The following SCARF1 variants were observed in gnomAD, a reference collection of about 807,000 sequenced individuals.
SCARF1 encodes the protein scavenger receptor class F member 1, also known as acetyl LDL receptor.
Under a neutral mutation model 76.3 loss-of-function variants are expected in SCARF1, and 49 were observed. That is an observed-to-expected ratio of 0.64 (90% CI 0.51 to 0.81). The LOEUF (loss-of-function observed/expected upper bound fraction) is 0.81. SCARF1 is among the 40% of genes least tolerant of loss of function. The probability of loss-of-function intolerance (pLI) is 0.00; values close to 1 mark genes in which losing one functional copy is unlikely to be tolerated. For synonymous variants in SCARF1, 495 were observed against 474.6 expected, an observed-to-expected ratio of 1.04 and a Z score of -0.56; for missense variants, 1,098 against 1,143.9, an observed-to-expected ratio of 0.96 and a Z score of 0.58.
chr17:1,644,527 T>G lies in SCARF1; in HGVS notation c.265+307A>C. ...CCATCCACTGCCCATGTATAAGGTA[T>G]ATGTGGGAAAGGCAAGTAATACACT... On this transcript the variant is annotated intron_variant, in intron 3 of 10. Coordinates refer to ENST00000263071, the MANE Select transcript of SCARF1 (RefSeq NM_003693.4). This position sits in a 1 kb window ranked among gnomAD's most constrained non-coding sequence, Gnocchi z 4.8. 3.8e-6 allele frequency: 2 copies of G among 524,846 alleles called. No homozygotes were observed. The allele number at this position is 524,846 out of a possible 1,614,324, so 32.5% of individuals were successfully genotyped here. A position where few individuals can be genotyped will look rare whatever the true frequency, so the allele number is the denominator to read the frequency against.
rs777521404 is a variant in SCARF1 at position 1,636,698 on chromosome 17, T to A, written c.1633+11A>T. On this transcript the variant is annotated intron_variant, in intron 10 of 10. Coordinates refer to ENST00000263071, the MANE Select transcript of SCARF1 (RefSeq NM_003693.4). ...GCTGCTCAGGGGCTATGTGGGCTGT[T>A]GGGGGGCTACCTTCTTGGGGTGGCA... is the stretch of plus-strand genomic sequence containing the variant. The A allele has an allele frequency of 6.2e-7, 1 of 1,613,246 alleles. No individual in the cohort carries two copies. The highest frequency in any genetic ancestry group is 1.1e-5 in the South Asian group (1 of 91,054).
chr17:1,638,776 T>C (rs771378186), intron 8 of SCARF1, 30 bp downstream of exon 8: 2 of 1,581,098 alleles, frequency 1.3e-6, no homozygotes, highest in East Asian at 4.6e-5. Flanking sequence ...TGGCCTGAGC[T>C]GTGTGGGGAA....
Position 1,634,973 on chromosome 17 carries a change from C to T in SCARF1, c.2278G>A (p.Ala760Thr), listed in dbSNP as rs754378450. Residue 760 changes from alanine to threonine, a missense_variant, in exon 11 of 11, where the codon GCT (alanine) becomes ACT (threonine). By Grantham distance (58) the Ala-to-Thr change is moderately conservative (BLOSUM62 0). Coordinates refer to ENST00000263071, the MANE Select transcript of SCARF1 (RefSeq NM_003693.4). ...VGQSPNSAPK[A>T]GLPGATGPMA... Reference sequence around the variant, plus strand: ...GGCCCTGTGGCCCCAGGAAGCCCAGCTTTTGGGGCTGAGTTGGGGCTCTGG... The same window carrying T: ...GGCCCTGTGGCCCCAGGAAGCCCAGTTTTTGGGGCTGAGTTGGGGCTCTGG... 6.2e-7 allele frequency: 1 copy of T among 1,613,322 alleles called. No homozygotes were observed. The highest frequency in any genetic ancestry group is 1.1e-5 in the South Asian group (1 of 91,064).
chr17:1,637,741 G>A (rs1250355090), intron 8 of SCARF1, among the ~76,000 whole-genome samples: 1 of 152,104 alleles, frequency 6.6e-6, no homozygotes, highest in Non-Finnish European at 1.5e-5. Flanking sequence ...CAAAGTGCTG[G>A]GATTACAGGC....
rs201667370 is a variant in SCARF1, at chr17:1,635,053, C to T, written c.2198G>A (p.Arg733His). 6.2e-6 allele frequency: 10 copies of T among 1,612,450 alleles called. No homozygotes were observed. Among genetic ancestry groups the T allele is most frequent in the East Asian group, 2.2e-5 (1 of 44,884 alleles). The change falls in exon 11 of 11, where the codon CGC (arginine) becomes CAC (histidine). Residue 733 changes from arginine (R) to histidine (H), a missense_variant. Physicochemically the swap from Arg to His is conservative, Grantham distance 29 (BLOSUM62 0). Transcript: ENST00000263071. ...KVKRAIPKPP[R>H]QALNRKKGSP... is the part of the protein sequence containing the mutation. ...GCCCTTTTTCCGATTCAGGGCCTGG[C>T]GCGGAGGCTTAGGGATGGCCCTCTT... is the stretch of plus-strand genomic sequence containing the variant.
chr17:1,642,906 T>C (rs1910167439), intron 4 of SCARF1, among the ~76,000 whole-genome samples: 1 of 152,152 alleles, frequency 6.6e-6, no homozygotes, highest in Admixed American at 6.5e-5. Context: ...TTCAGCATGT[T>C]GGCCAGGATG....
chr17:1,638,688 A>ACC, intron 8 of SCARF1, 118 bp downstream of exon 8: 1 of 1,207,038 alleles, frequency 8.3e-7, no homozygotes, highest in South Asian at 2.3e-5. Context: ...CACCCCCATC[A>ACC]CCTCTGACCC....
Position 1,645,340 on chromosome 17 carries a change from A to G in SCARF1, c.102-101T>C, listed in dbSNP as rs528395439. 2 of 1,487,176 alleles carry G rather than the reference A, an allele frequency of 1.3e-6. No homozygotes were observed. The highest frequency in any genetic ancestry group is 2.8e-5 in the African/African-American group (2 of 72,568). 92.1% of individuals were successfully genotyped at this position (1,487,176 alleles called of 1,614,324 possible). ...TGGCTGCAGTGGGGGAGGCTGCCTT[A>G]GCCCCCTGGGGAGGCCTAATGGATC... On this transcript the variant is annotated intron_variant, in intron 1 of 10. Transcript: ENST00000263071. This position sits in a 1 kb window ranked among gnomAD's most constrained non-coding sequence, Gnocchi z 6.3.
intron 8 of SCARF1, 27 bp from the exon 9 acceptor site, chr17:1,637,089 T>C (rs1180971691): frequency 6.2e-7 from 1 of 1,612,514 alleles, no homozygotes; most frequent in South Asian, 1.1e-5. Flanking sequence ...GGGACACTGG[T>C]CAGTACATGA....
chr17:1,643,392 G>A (rs1447769674), intron 4 of SCARF1, 50 bp downstream of exon 4: 3 of 609,684 alleles, frequency 4.9e-6, no homozygotes, highest in Non-Finnish European at 6.0e-6. Flanking sequence ...CTGCTCACTT[G>A]TGTCCGCCCC....
In SCARF1 at chr17:1,636,913, C is replaced by G. The variant is rs1341337451; in HGVS notation, c.1486+28G>C. 1.9e-6 allele frequency: 3 copies of G among 1,613,972 alleles called. No homozygotes were observed. In the African/African-American group the frequency reaches 4.0e-5, roughly 22 times the overall value. ...CCTGATGCAAAGCCCTGTCCAATCC[C>G]AGACCCCGGCCCCCAGCGCCCACTG... On this transcript the variant is annotated intron_variant, in intron 9 of 10. Coordinates refer to ENST00000263071, the MANE Select transcript of SCARF1 (RefSeq NM_003693.4).
rs774642491 is a variant in SCARF1, at chr17:1,637,043, T to C, written c.1384A>G (p.Thr462Ala). 7 of 1,613,866 alleles carry C rather than the reference T, an allele frequency of 4.3e-6. No homozygotes were observed. In the East Asian group the frequency reaches 1.1e-4, roughly 26 times the overall value. The change falls in exon 9 of 11, where the codon ACC becomes GCC. Residue 462 changes from threonine (T) to alanine (A), a missense_variant. Thr to Ala is a moderately conservative substitution (Grantham distance 58). Coordinates refer to ENST00000263071, the MANE Select transcript of SCARF1 (RefSeq NM_003693.4). ...ACCTGCAGCTTCATCCTGGACACGG[T>C]AGCTCCATCTCTCGCTGGCCTGAGG... ...LKDRPARDGATVSRMKLQVWG... is the reference protein window; with the variant it reads ...LKDRPARDGAAVSRMKLQVWG...
chr17:1,643,703 C>T lies in SCARF1; in HGVS notation c.530G>A (p.Gly177Asp), dbSNP rs1282972018. The change falls in exon 4 of 11, where the codon GGC (glycine) becomes GAC (aspartate). Residue 177 changes from glycine to aspartate, a missense_variant. Coordinates refer to ENST00000263071, the MANE Select transcript of SCARF1 (RefSeq NM_003693.4). ...TAAARCEQAT[G>D]ACVCKPGWWG... The stretch of plus-strand genomic sequence containing the variant: ...CCAGCCCGGCTTGCACACGCAGGCG[C>T]CCGTGGCCTGCTCGCAGCGCGCCGC... The T allele has an allele frequency of 1.2e-5, 16 of 1,370,220 alleles. No homozygotes were observed. The highest frequency in any genetic ancestry group is 1.5e-5 in the Non-Finnish European group (16 of 1,068,390). The allele number at this position is 1,370,220 out of a possible 1,614,324, so 84.9% of individuals were successfully genotyped here.
At chr17:1,639,470 A>G (rs1273245152) in intron 7 of SCARF1, among the ~76,000 whole-genome samples, 169 bp downstream of exon 7, 1 of 148,530 alleles carries the variant, frequency 6.7e-6, no homozygotes, top group Non-Finnish European at 1.5e-5. Flanking sequence ...ACACCACTGC[A>G]CTCTGGCCTG....
In SCARF1 at chr17:1,639,986, GC is replaced by G; in HGVS notation, c.1064del (p.Cys355SerfsTer12). 2.5e-6 allele frequency: 4 copies of G among 1,614,010 alleles called. No homozygotes were observed. Among genetic ancestry groups the G allele is most frequent in the Non-Finnish European group, 3.4e-6 (4 of 1,179,976 alleles). ...GTFGEDCGST[C>X]PTCVQGSCDT... ...CACAGGACCCCTGAACACAGGTGGG[GC>G]AGGTAGAGCCACAGTCTTCCCCAAA... On this transcript the variant is annotated frameshift_variant, in exon 6 of 11. Transcript: ENST00000263071. LOFTEE classifies it high-confidence loss of function.
chr17:1,634,913 G>GC lies in SCARF1; in HGVS notation c.2337dup (p.Leu780AlafsTer30), dbSNP rs1160433525. The GC allele has an allele frequency of 6.2e-7, 1 of 1,613,228 alleles. No homozygotes were observed. The highest frequency in any genetic ancestry group is 8.5e-7 in the Non-Finnish European group (1 of 1,179,876). ...CTTGAACTCTCGGTGCCAGCCCCCAGCCCCCGGACCGCTTCCTCTGGTCTG... is the reference window on the plus strand; with the variant it reads ...CTTGAACTCTCGGTGCCAGCCCCCAGCCCCCCGGACCGCTTCCTCTGGTCTG... On this transcript the variant is annotated frameshift_variant, in exon 11 of 11. Transcript: ENST00000263071. LOFTEE classifies it low-confidence loss of function (END_TRUNC).
Position 1,638,930 on chromosome 17 carries a change from G to A in SCARF1, c.1244-4C>T. 1 of 1,582,098 alleles carries A rather than the reference G, an allele frequency of 6.3e-7. No individual in the cohort carries two copies. The highest frequency in any genetic ancestry group is 8.6e-7 in the Non-Finnish European group (1 of 1,160,368). ...GCAGTGTCCCGACTGCCAGAGCCTG[G>A]GGGAGCCAGAAACGGGGGATATTCA... On this transcript the variant is annotated splice_region_variant and splice_polypyrimidine_tract_variant and intron_variant, in intron 7 of 10. Coordinates refer to ENST00000263071, the MANE Select transcript of SCARF1 (RefSeq NM_003693.4).
At position 1,645,577 on chromosome 17, in the gene SCARF1, C is replaced by G. The variant is rs781006142; in HGVS notation, c.101+20G>C. ...AGACCCACCTGCTGGCCACACGCAT[C>G]AGACTCCCACGAGACCCACCTGCTG... On this transcript the variant is annotated intron_variant, in intron 1 of 10. Transcript: ENST00000263071. This position sits in a 1 kb window ranked among gnomAD's most constrained non-coding sequence, Gnocchi z 6.3. 29 of 1,597,322 alleles carry G rather than the reference C, an allele frequency of 1.8e-5. 2 individuals are homozygous for G. In the South Asian group the frequency reaches 2.9e-4, roughly 16 times the overall value.
chr17:1,636,372 T>TG (rs1909560319), intron 10 of SCARF1, among the ~76,000 whole-genome samples: 1 of 152,178 alleles, frequency 6.6e-6, no homozygotes, highest in South Asian at 2.1e-4. Flanking sequence ...CAGTGGCTCA[T>TG]GCCTGTAATC....
Sources: allele counts gnomAD v4.1 joint callset (sites outside exome capture counted in the v4.1 genomes callset), GRCh38; gene constraint gnomAD v4.1.1; non-coding constraint Gnocchi (gnomAD v3.1); transcripts MANE v1.5; gene names NCBI Gene and HGNC (gene_info 2026-07-23, HGNC 2026-07-21).